DNAH11: variants seen among roughly 807,000 people sequenced by gnomAD.
DNAH11 encodes the protein axonemal beta dynein heavy chain 11.
In DNAH11, 442 loss-of-function variants were observed where a neutral mutation model predicts 526.0. The ratio of observed to expected loss-of-function variants is 0.84; its 90% CI spans 0.78 to 0.91. DNAH11 has a LOEUF of 0.91. Ranked by LOEUF, DNAH11 falls within the 40% of genes least tolerant of loss-of-function variation. DNAH11 has a pLI of 0.00. For synonymous variants in DNAH11, 2,461 were observed against 1,935.9 expected (o/e 1.27, Z -7.12); for missense variants, 6,989 against 5,448.7 (o/e 1.28, Z -8.90).
At chr7:21,543,899 G>A (rs1046402622) in intron 1 of DNAH11, 25 of 425,200 alleles carry the variant, frequency 5.9e-5, no homozygotes, top group East Asian at 1.4e-4. Context: ...GGTGTTAGGC[G>A]CCAGGTGGGC....
In DNAH11 at chr7:21,589,375, G is replaced by T. The variant is rs1404338097; in HGVS notation, c.2141G>T (p.Gly714Val). The T allele has an allele frequency of 6.2e-7, 1 of 1,606,282 alleles. No homozygotes were observed. Among genetic ancestry groups the T allele is most frequent in the Non-Finnish European group, 8.5e-7 (1 of 1,177,092 alleles). Residue 714 changes from glycine to valine, a missense_variant, in exon 12 of 82, where the codon GGT becomes GTT. Physicochemically the swap from Gly to Val is moderately radical, Grantham distance 109. Coordinates refer to ENST00000409508, the MANE Select transcript of DNAH11 (RefSeq NM_001277115.2). ...TTGGTTAAATTCAGTGCCATAAATG[G>T]TCTTCTCTGTGTCAATTTTGACCCA... is the stretch of plus-strand genomic sequence containing the variant. ...QPLVKFSAIN[G>V]LLCVNFDPKL...
At chr7:21,867,370 A>C (rs951407749) in intron 71 of DNAH11, among the ~76,000 whole-genome samples, 1 of 152,224 alleles carries the variant, frequency 6.6e-6, no homozygotes, top group Admixed American at 6.5e-5. Flanking sequence ...TTTACAAGTT[A>C]ATTCTGCTTA....
chr7:21,814,670 A>G (rs997914329), intron 63 of DNAH11, among the ~76,000 whole-genome samples: 2 of 152,108 alleles, frequency 1.3e-5, no homozygotes, highest in African/African-American at 4.8e-5. Context: ...CTACAGCATT[A>G]TGATGGCTAC....
chr7:21,867,749 T>C (rs1783335849), intron 71 of DNAH11, 110 bp from the exon 72 acceptor site: 1 of 968,124 alleles, frequency 1.0e-6, no homozygotes, highest in South Asian at 1.7e-5. Flanking sequence ...TCCCATGTAA[T>C]AAACCTGGTT....
At chr7:21,794,972 T>G (rs1358393117) in intron 61 of DNAH11, among the ~76,000 whole-genome samples, 1 of 152,114 alleles carries the variant, frequency 6.6e-6, no homozygotes, top group Non-Finnish European at 1.5e-5. Flanking sequence ...CTTCTGCTGC[T>G]CAGAGTTTTT....
chr7:21,854,192 C>A, intron 67 of DNAH11, 123 bp from the exon 68 acceptor site: 4 of 938,558 alleles, frequency 4.3e-6, no homozygotes, highest in Non-Finnish European at 6.2e-6. Flanking sequence ...ACATGGATGC[C>A]ATGCATGTTA....
At chr7:21,685,534 C>T (rs954576902) in intron 32 of DNAH11, among the ~76,000 whole-genome samples, 2 of 152,124 alleles carry the variant, frequency 1.3e-5, no homozygotes, top group Non-Finnish European at 2.9e-5. Flanking sequence ...CAAAATGATG[C>T]CCTTCAAATT....
intron 64 of DNAH11, among the ~76,000 whole-genome samples, chr7:21,817,398 A>T (rs1387742043): frequency 6.6e-6 from 1 of 151,862 alleles, no homozygotes; most frequent in Non-Finnish European, 1.5e-5. Context: ...TGTAGTTCTT[A>T]GGCCAGGTAC....
chr7:21,750,124 T>C, intron 53 of DNAH11, 98 bp from the exon 54 acceptor site: 1 of 1,399,676 alleles, frequency 7.1e-7, no homozygotes, highest in Non-Finnish European at 9.5e-7. Context: ...CCATTTATGC[T>C]GAACTTTGTC....
At chr7:21,794,632 G>A (rs565698166) in intron 61 of DNAH11, among the ~76,000 whole-genome samples, 1 of 152,182 alleles carries the variant, frequency 6.6e-6, no homozygotes, top group African/African-American at 2.4e-5. Flanking sequence ...GTACAGTGTG[G>A]TGCTGTTGAA....
rs770317828 is a variant in DNAH11, at chr7:21,588,087, T to C, written c.1734T>C (p.Phe578=). 3 of 1,613,208 alleles carry C rather than the reference T, an allele frequency of 1.9e-6. No homozygotes were observed. Among genetic ancestry groups the C allele is most frequent in the Admixed American group, 1.7e-5 (1 of 59,934 alleles). ...AFKLLTIFGN[F]LEKPVVMEIF... ...AGCTTTTGACCATATTTGGAAATTT[T>C]CTAGAGAAGCCAGTTGTCATGGAAA... The change falls in exon 10 of 82, where the codon TTT becomes TTC. Residue 578 remains phenylalanine (F), a synonymous_variant. Transcript: ENST00000409508.
chr7:21,667,878 C>T (rs1028498316), intron 30 of DNAH11, among the ~76,000 whole-genome samples: 1 of 152,022 alleles, frequency 6.6e-6, no homozygotes, highest in Non-Finnish European at 1.5e-5. Context: ...TTAGAAAACT[C>T]AAGTAGACCA....
chr7:21,588,986 G>A (rs778938892), intron 11 of DNAH11, among the ~76,000 whole-genome samples: 4 of 152,000 alleles, frequency 2.6e-5, no homozygotes, highest in Non-Finnish European at 4.4e-5. Context: ...GGAGCCAGTA[G>A]CTTGTTGCTA....
chr7:21,868,125 T>C, intron 72 of DNAH11, 118 bp downstream of exon 72: 1 of 945,370 alleles, frequency 1.1e-6, no homozygotes, highest in African/African-American at 1.7e-5. Flanking sequence ...TTTTTTAATT[T>C]GTTGAAGATT....
At chr7:21,612,971 C>T (rs1351494467) in intron 20 of DNAH11, among the ~76,000 whole-genome samples, 1 of 152,070 alleles carries the variant, frequency 6.6e-6, no homozygotes, top group African/African-American at 2.4e-5. Flanking sequence ...ATGATAGAAA[C>T]ACTTAGCAGC....
rs552567607 is a variant in DNAH11, at chr7:21,749,768, T to C, written c.8764T>C (p.Phe2922Leu). 20 of 1,613,940 alleles carry C rather than the reference T, an allele frequency of 1.2e-5. No individual in the cohort carries two copies. The African/African-American group carries it at 2.4e-4, about 19-fold the overall frequency. ...AGATGCCCAGGTTCTAGATGAGAGC[T>C]TCCTCGTGCTGATTAATGACTTGCT... The part of the protein sequence containing the change: ...LTDAQVLDES[F>L]LVLINDLLAS... Residue 2922 changes from phenylalanine to leucine, a missense_variant, in exon 53 of 82, where the codon TTC becomes CTC. By Grantham distance (22) the Phe-to-Leu change is conservative (BLOSUM62 0). Transcript: ENST00000409508.
intron 79 of DNAH11, among the ~76,000 whole-genome samples, chr7:21,897,817 A>C (rs1431911965): frequency 1.3e-5 from 2 of 152,048 alleles, no homozygotes; most frequent in African/African-American, 4.8e-5. Context: ...GGGTTTCACC[A>C]TGTTGGCCAG....
Position 21,720,719 on chromosome 7 carries a change from C to A in DNAH11, c.7135-6C>A. The A allele has an allele frequency of 6.4e-7, 1 of 1,552,756 alleles. No homozygotes were observed. Among genetic ancestry groups the A allele is most frequent in the Non-Finnish European group, 8.7e-7 (1 of 1,148,856 alleles). ...TTGCCTTATTTGACTATTTCTTTTT[C>A]TTTAGACTCTATGTGTTCTTTTGGA... is the stretch of plus-strand genomic sequence containing the variant. On this transcript the variant is annotated splice_region_variant and splice_polypyrimidine_tract_variant and intron_variant, in intron 43 of 81. Coordinates refer to ENST00000409508, the MANE Select transcript of DNAH11 (RefSeq NM_001277115.2).
intron 63 of DNAH11, among the ~76,000 whole-genome samples, chr7:21,812,002 A>G (rs1327189792): frequency 6.6e-6 from 1 of 152,298 alleles, no homozygotes; most frequent in South Asian, 2.1e-4. Context: ...ATCGGAAGCC[A>G]GGGATGGGGG....
Sources: gnomAD v4.1 joint callset for allele counts (sites outside exome capture counted in the v4.1 genomes callset) on GRCh38, gnomAD v4.1.1 for gene constraint, MANE v1.5 for transcripts, NCBI Gene and HGNC (gene_info 2026-07-23, HGNC 2026-07-21) for gene names.